Variants in KIRREL1 observed in about 807,000 individuals in gnomAD.
KIRREL1 encodes kirre like nephrin family adhesion molecule 1, also known as kin of IRRE-like protein 1.
In KIRREL1, 25 loss-of-function variants were observed where a neutral mutation model predicts 83.3. That is an observed-to-expected ratio of 0.30 (90% CI 0.22 to 0.42). The LOEUF (loss-of-function observed/expected upper bound fraction) is 0.42. KIRREL1 is among the 10% of genes least tolerant of loss of function. The probability of loss-of-function intolerance (pLI) is 1.00; values close to 1 mark genes in which losing one functional copy is unlikely to be tolerated. For synonymous variants in KIRREL1, 388 were observed against 410.4 expected (o/e 0.95, Z 0.66); for missense variants, 812 against 1,032.3 (o/e 0.79, Z 2.92).
intron 12 of KIRREL1, 35 bp from the exon 13 acceptor site, chr1:158,093,588 G>T: frequency 6.2e-7 from 1 of 1,613,540 alleles, no homozygotes; most frequent in South Asian, 1.1e-5. Flanking sequence ...AGACCAGCAG[G>T]AAGCACTTGT....
chr1:158,072,049 G>A (rs1304849942), intron 1 of KIRREL1, among the ~76,000 whole-genome samples: 10 of 151,856 alleles, frequency 6.6e-5, no homozygotes, highest in South Asian at 4.2e-4. Context: ...CATCCCCCTC[G>A]CCACCACCAT....
chr1:158,023,146 G>A (rs1318592158), intron 1 of KIRREL1, among the ~76,000 whole-genome samples: 4 of 152,224 alleles, frequency 2.6e-5, no homozygotes, highest in Admixed American at 2.6e-4. Context: ...AGTGCAAGTT[G>A]TGTCCCTAGG....
chr1:158,026,034 G>A (rs955291777), intron 1 of KIRREL1, among the ~76,000 whole-genome samples: 2 of 152,086 alleles, frequency 1.3e-5, no homozygotes, highest in Non-Finnish European at 2.9e-5. Flanking sequence ...TGCCAGTCCT[G>A]GTGGGGTGGT....
At chr1:158,041,902 G>C (rs557703189) in intron 1 of KIRREL1, among the ~76,000 whole-genome samples, 6 of 152,306 alleles carry the variant, frequency 3.9e-5, no homozygotes, top group Admixed American at 1.3e-4. Flanking sequence ...AGCTAGAGAT[G>C]GCGAGGAGGG....
At chr1:158,053,315 A>T (rs1229718163) in intron 1 of KIRREL1, among the ~76,000 whole-genome samples, 4 of 152,240 alleles carry the variant, frequency 2.6e-5, no homozygotes, top group Non-Finnish European at 5.9e-5. Flanking sequence ...AATGAATGAC[A>T]TTCAAGATTT....
chr1:158,051,425 T>C (rs565130771), intron 1 of KIRREL1, among the ~76,000 whole-genome samples: 1 of 152,366 alleles, frequency 6.6e-6, no homozygotes, highest in Non-Finnish European at 1.5e-5. Context: ...AGAAGTGGCA[T>C]TATTGAAATA....
At position 158,096,162 on chromosome 1, in the gene KIRREL1, G is replaced by A. The variant is rs1029432939; in HGVS notation, c.*1042G>A. 5.7e-6 allele frequency: 1 copy of A among 175,974 alleles called. No individual in the cohort carries two copies. The highest frequency in any genetic ancestry group is 1.2e-5 in the Non-Finnish European group (1 of 82,186). The allele number at this position is 175,974 out of a possible 1,614,324, so 10.9% of individuals were successfully genotyped here. On this transcript the variant is annotated 3_prime_UTR_variant, in exon 15 of 15. Transcript: ENST00000359209. ...AGGTAGTACCTATTCTTCTCCATGGGGTTCCTAACACCCTCCATTACTCTT... is the reference window on the plus strand; with the variant it reads ...AGGTAGTACCTATTCTTCTCCATGGAGTTCCTAACACCCTCCATTACTCTT...
intron 1 of KIRREL1, among the ~76,000 whole-genome samples, chr1:158,023,038 C>T (rs1660046993): frequency 6.6e-6 from 1 of 152,194 alleles, no homozygotes; most frequent in African/African-American, 2.4e-5. Context: ...TTCTCCTCTC[C>T]ACAGGTTTTG....
intron 1 of KIRREL1, among the ~76,000 whole-genome samples, chr1:158,017,857 A>T (rs1486486759): frequency 2.7e-5 from 4 of 149,414 alleles, no homozygotes. Context: ...AAGACAAAAG[A>T]TCCTTCAGAA....
At chr1:158,031,010 C>T (rs943197963) in intron 1 of KIRREL1, 3 of 152,174 alleles carry the variant, frequency 2.0e-5, no homozygotes, top group Non-Finnish European at 2.9e-5. Flanking sequence ...AGCAAACAGC[C>T]CAGTAGCATC....
intron 2 of KIRREL1, among the ~76,000 whole-genome samples, chr1:158,076,757 A>G (rs1328065659): frequency 6.6e-6 from 1 of 152,266 alleles, no homozygotes; most frequent in African/African-American, 2.4e-5. Context: ...CAGCCTGAGC[A>G]TTCATTTATT....
intron 1 of KIRREL1, among the ~76,000 whole-genome samples, chr1:158,012,448 T>A (rs1204534764): frequency 6.6e-6 from 1 of 152,210 alleles, no homozygotes; most frequent in African/African-American, 2.4e-5. Context: ...AAAGACTGCA[T>A]TAAATTACCT....
chr1:157,994,394 G>GA (rs1231943447), intron 1 of KIRREL1, among the ~76,000 whole-genome samples: 1 of 126,582 alleles, frequency 7.9e-6, no homozygotes, highest in East Asian at 2.9e-4. Context: ...CAGAGGGGGG[G>GA]AACTCACGGG....
chr1:158,027,575 C>T (rs1347101624), intron 1 of KIRREL1, among the ~76,000 whole-genome samples: 1 of 152,208 alleles, frequency 6.6e-6, no homozygotes, highest in East Asian at 1.9e-4. Flanking sequence ...GGCTGCCAGC[C>T]ACCAGTCAAT....
intron 1 of KIRREL1, among the ~76,000 whole-genome samples, chr1:158,053,336 G>A (rs1397717390): frequency 6.6e-6 from 1 of 152,156 alleles, no homozygotes; most frequent in Non-Finnish European, 1.5e-5. Flanking sequence ...GGCACAATCT[G>A]GTCAGAGTCT....
chr1:158,022,522 C>T (rs936281325), intron 1 of KIRREL1, among the ~76,000 whole-genome samples: 1 of 152,118 alleles, frequency 6.6e-6, no homozygotes, highest in Non-Finnish European at 1.5e-5. Context: ...TAAAAAACAC[C>T]CATATTCTTT....
intron 1 of KIRREL1, among the ~76,000 whole-genome samples, chr1:158,066,455 GCTCT>G (rs560054818): frequency 2.4e-4 from 37 of 152,178 alleles, no homozygotes; most frequent in African/African-American, 8.4e-4. Context: ...TATCTCCTTT[GCTCT>G]CTATTTCTGC....
chr1:158,027,519 G>A (rs1250763951), intron 1 of KIRREL1, among the ~76,000 whole-genome samples: 2 of 152,198 alleles, frequency 1.3e-5, no homozygotes, highest in Non-Finnish European at 2.9e-5. Flanking sequence ...CTCTAATCCT[G>A]CCTTGGTTTG....
At chr1:158,075,201 C>T (rs1004028979) in intron 1 of KIRREL1, among the ~76,000 whole-genome samples, 35 of 152,262 alleles carry the variant, frequency 2.3e-4, no homozygotes, top group African/African-American at 8.4e-4. Context: ...AGAAAAAACC[C>T]GCAATGCAAT....
Sources: allele counts gnomAD v4.1 joint callset (sites outside exome capture counted in the v4.1 genomes callset), GRCh38; gene constraint gnomAD v4.1.1; transcripts MANE v1.5; gene names NCBI Gene and HGNC (gene_info 2026-07-23, HGNC 2026-07-21).